Variants in PTBP2 observed in about 807,000 individuals in gnomAD.
The protein encoded by PTBP2 is polypyrimidine tract binding protein 2.
A neutral mutation model predicts 61.4 loss-of-function variants in PTBP2; 13 were observed. The observed-to-expected ratio is 0.21, with a 90% CI of 0.14 to 0.34. The LOEUF is 0.34. Among genes scored for constraint, PTBP2 ranks in the 10% least tolerant of loss-of-function variants. The pLI is 1.00. For missense variants in PTBP2, 405 were observed against 642.6 expected, an observed-to-expected ratio of 0.63 and a Z score of 4.00; for synonymous variants, 215 against 218.5, an observed-to-expected ratio of 0.98 and a Z score of 0.14.
At chr1:96,800,312 G>T (rs1660841376) in intron 8 of PTBP2, among the ~76,000 whole-genome samples, 1 of 151,034 alleles carries the variant, frequency 6.6e-6, no homozygotes, top group African/African-American at 2.4e-5. Flanking sequence ...TCTATTTCGA[G>T]CCCAAATTTT....
intron 2 of PTBP2, among the ~76,000 whole-genome samples, chr1:96,735,833 A>C (rs1652086848): frequency 6.6e-6 from 1 of 152,218 alleles, no homozygotes; most frequent in African/African-American, 2.4e-5. Context: ...CAAAATTTGA[A>C]ATGCTAAAGG....
chr1:96,790,604 G>A (rs1263243405), intron 8 of PTBP2, among the ~76,000 whole-genome samples: 1 of 152,040 alleles, frequency 6.6e-6, no homozygotes, highest in African/African-American at 2.4e-5. Flanking sequence ...AATTCAATTT[G>A]TGCAGGACAA....
At chr1:96,799,690 A>G (rs1168171596) in intron 8 of PTBP2, among the ~76,000 whole-genome samples, 1 of 152,182 alleles carries the variant, frequency 6.6e-6, no homozygotes, top group Non-Finnish European at 1.5e-5. Flanking sequence ...CAATATGTGT[A>G]ATATGCTTTC....
intron 2 of PTBP2, among the ~76,000 whole-genome samples, chr1:96,726,456 G>C (rs1450347579): frequency 1.5e-5 from 2 of 130,292 alleles, no homozygotes; most frequent in Non-Finnish European, 3.2e-5. Context: ...TTTTTTTTTC[G>C]AGACGGAGTC....
intron 2 of PTBP2, among the ~76,000 whole-genome samples, chr1:96,742,102 T>C (rs1377008900): frequency 6.6e-6 from 1 of 152,216 alleles, no homozygotes; most frequent in Non-Finnish European, 1.5e-5. Flanking sequence ...TTGGGTCTTA[T>C]TTATACTTGC....
chr1:96,798,152 T>TC (rs1660583985), intron 8 of PTBP2, among the ~76,000 whole-genome samples: 1 of 151,418 alleles, frequency 6.6e-6, no homozygotes, highest in South Asian at 2.1e-4. Flanking sequence ...ATGCCTGTAA[T>TC]CCCAGCACTT....
chr1:96,748,310 G>A (rs1278899157), intron 2 of PTBP2, among the ~76,000 whole-genome samples: 1 of 152,094 alleles, frequency 6.6e-6, no homozygotes, highest in Non-Finnish European at 1.5e-5. Flanking sequence ...GTGATACATG[G>A]TATTAATAGT....
intron 11 of PTBP2, among the ~76,000 whole-genome samples, chr1:96,810,988 G>A (rs909788465): frequency 6.6e-6 from 1 of 151,870 alleles, no homozygotes; most frequent in African/African-American, 2.4e-5. Context: ...TCTGTGCTTA[G>A]CCTTGGCGAA....
chr1:96,725,958 C>T (rs1055382650), intron 2 of PTBP2, among the ~76,000 whole-genome samples: 1 of 150,754 alleles, frequency 6.6e-6, no homozygotes, highest in Non-Finnish European at 1.5e-5. Flanking sequence ...GCCTGTAGTC[C>T]CAGCTACTCG....
downstream of PTBP2, chr1:96,819,727 T>C (rs1662616889): frequency 6.6e-6 from 1 of 151,458 alleles, no homozygotes; most frequent in South Asian, 2.1e-4. Context: ...TCCAGTTTTG[T>C]GTTGTTTTGC....
intron 2 of PTBP2, among the ~76,000 whole-genome samples, chr1:96,743,234 G>A (rs1229556469): frequency 2.7e-5 from 4 of 150,278 alleles, no homozygotes; most frequent in African/African-American, 4.9e-5. Context: ...TTGCAGTGGC[G>A]CCACTGGACT....
chr1:96,752,497 T>C lies in PTBP2; in HGVS notation c.115+997T>C, dbSNP rs576134121. On this transcript the variant is annotated intron_variant, in intron 3 of 13. Coordinates refer to ENST00000674951, the MANE Select transcript of PTBP2 (RefSeq NM_021190.4). ...AAAATTATAAGGACTTAACAGATAA[T>C]AGTCATGATGTGAAGATAAATTTGT... 2.6e-5 allele frequency among the ~76,000 whole-genome samples: 4 copies of C among 152,138 alleles called. No individual in the cohort carries two copies. In the South Asian group the frequency reaches 8.3e-4, roughly 32 times the overall value.
chr1:96,804,447 C>T (rs542095390), intron 8 of PTBP2, among the ~76,000 whole-genome samples: 1 of 150,666 alleles, frequency 6.6e-6, no homozygotes, highest in Admixed American at 6.6e-5. Context: ...TACATTTGGC[C>T]TTTTACTGTA....
intron 2 of PTBP2, among the ~76,000 whole-genome samples, chr1:96,747,104 C>T (rs1443549313): frequency 6.6e-6 from 1 of 151,620 alleles, no homozygotes; most frequent in Admixed American, 6.6e-5. Flanking sequence ...CCACTAGTTC[C>T]CAGTGCATAT....
rs775509142 is a variant in PTBP2, at chr1:96,806,849, CTG to C, written c.1079-14_1079-13del. On this transcript the variant is annotated splice_polypyrimidine_tract_variant and intron_variant, in intron 10 of 13. Transcript: ENST00000674951. Reference sequence around the variant, plus strand: ...TTAATTCCATTTTTGGATTACCTCTCTGTGGCTCCAAAAAAGGTGTTTATGGA... The same window carrying C: ...TTAATTCCATTTTTGGATTACCTCTCTGGCTCCAAAAAAGGTGTTTATGGA... 27 of 1,590,790 alleles carry C rather than the reference CTG, an allele frequency of 1.7e-5. No homozygotes were observed. The highest frequency in any genetic ancestry group is 2.1e-5 in the Non-Finnish European group (24 of 1,165,294).
chr1:96,732,019 G>A (rs950911690), intron 2 of PTBP2, among the ~76,000 whole-genome samples: 4 of 152,088 alleles, frequency 2.6e-5, no homozygotes, highest in African/African-American at 9.7e-5. Context: ...TTGTAGCAGT[G>A]TTCTTTAGTA....
chr1:96,767,683 T>A (rs1656890605), intron 3 of PTBP2, among the ~76,000 whole-genome samples: 1 of 152,136 alleles, frequency 6.6e-6, no homozygotes. Flanking sequence ...GTGTATTTTT[T>A]GGATTCTGTG....
intron 2 of PTBP2, among the ~76,000 whole-genome samples, chr1:96,744,183 C>T (rs1422655881): frequency 6.6e-6 from 1 of 152,064 alleles, no homozygotes; most frequent in African/African-American, 2.4e-5. Context: ...GAGATTGCGC[C>T]ACTGCACTCC....
intron 7 of PTBP2, among the ~76,000 whole-genome samples, chr1:96,778,612 C>T (rs531331763): frequency 1.3e-5 from 2 of 151,976 alleles, no homozygotes; most frequent in African/African-American, 2.4e-5. Context: ...ACTTTTTGTG[C>T]CATAGTATCT....
Sources: allele counts gnomAD v4.1 joint callset (sites outside exome capture counted in the v4.1 genomes callset), GRCh38; gene constraint gnomAD v4.1.1; transcripts MANE v1.5; gene names NCBI Gene and HGNC (gene_info 2026-07-23, HGNC 2026-07-21).